ANKRD44: variants seen among roughly 807,000 people sequenced by gnomAD.
ANKRD44 encodes ankyrin repeat domain 44.
ANKRD44 carries 35 observed loss-of-function variants against 116.0 expected under a neutral mutation model. The observed-to-expected ratio is 0.30, with a 90% CI of 0.23 to 0.40. The LOEUF (loss-of-function observed/expected upper bound fraction) is 0.40. Ranked by LOEUF, ANKRD44 falls within the 10% of genes least tolerant of loss-of-function variation. The pLI is 1.00. For missense variants in ANKRD44, 1,014 were observed against 1,242.6 expected, an observed-to-expected ratio of 0.82 and a Z score of 2.77; for synonymous variants, 435 against 461.8, an observed-to-expected ratio of 0.94 and a Z score of 0.74.
intron 4 of ANKRD44, among the ~76,000 whole-genome samples, chr2:197,126,977 G>T (rs2078991239): frequency 6.6e-6 from 1 of 151,402 alleles, no homozygotes; most frequent in African/African-American, 2.4e-5. Flanking sequence ...AACAGAGCAA[G>T]ACCCTGTCTC....
Position 196,988,415 on chromosome 2 carries a change from A to G in ANKRD44, c.*1176T>C. On this transcript the variant is annotated 3_prime_UTR_variant, in exon 28 of 28. Transcript: ENST00000282272. Reference sequence around the variant, plus strand: ...ACGAAAAGGACAGAAGGTGGGAAGCACAACACCAAGAATTCAAAAAAACAA... The same window carrying G: ...ACGAAAAGGACAGAAGGTGGGAAGCGCAACACCAAGAATTCAAAAAAACAA... 1.0e-6 allele frequency: 1 copy of G among 985,452 alleles called. No homozygotes were observed. Among genetic ancestry groups the G allele is most frequent in the Non-Finnish European group, 1.2e-6 (1 of 829,924 alleles). 61.0% of individuals were successfully genotyped at this position (985,452 alleles called of 1,614,324 possible). A position where few individuals can be genotyped will look rare whatever the true frequency, so the allele number is the denominator to read the frequency against.
intron 2 of ANKRD44, among the ~76,000 whole-genome samples, chr2:197,149,998 A>G (rs2079601839): frequency 6.6e-6 from 1 of 152,228 alleles, no homozygotes; most frequent in Admixed American, 6.5e-5. Context: ...AAGAAGAAAC[A>G]AATCTAGCTG....
chr2:197,191,312 T>C (rs1472572735), intron 1 of ANKRD44, among the ~76,000 whole-genome samples: 4 of 152,116 alleles, frequency 2.6e-5, no homozygotes, highest in African/African-American at 9.7e-5. Context: ...TCCAGGAGTG[T>C]TGACGGCTGC....
chr2:197,192,905 G>A (rs1182037646), intron 1 of ANKRD44, among the ~76,000 whole-genome samples: 1 of 152,150 alleles, frequency 6.6e-6, no homozygotes, highest in East Asian at 1.9e-4. Context: ...TAAAAAATCA[G>A]GGAGTGAGGC....
At chr2:197,000,262 A>C (rs1249023431) in intron 23 of ANKRD44, among the ~76,000 whole-genome samples, 157 bp downstream of exon 23, 5 of 152,226 alleles carry the variant, frequency 3.3e-5, no homozygotes, top group African/African-American at 1.2e-4. Flanking sequence ...CTAGGCTTAG[A>C]GGGAAATTTA....
At chr2:197,205,172 T>G (rs1640769572) in intron 1 of ANKRD44, among the ~76,000 whole-genome samples, 1 of 152,046 alleles carries the variant, frequency 6.6e-6, no homozygotes, top group African/African-American at 2.4e-5. Context: ...GGTCCAGGAG[T>G]GTGTATTTTT....
intron 1 of ANKRD44, among the ~76,000 whole-genome samples, chr2:197,290,966 T>C (rs536203101): frequency 9.2e-5 from 14 of 152,208 alleles, no homozygotes; most frequent in Admixed American, 1.3e-4. Flanking sequence ...CCCAACACTT[T>C]GGGAGGCCAA....
intron 1 of ANKRD44, among the ~76,000 whole-genome samples, chr2:197,286,467 T>G (rs753137092): frequency 1.5e-4 from 23 of 151,618 alleles, no homozygotes; most frequent in Non-Finnish European, 2.9e-4. Flanking sequence ...CTCAATCTCC[T>G]GGGCCCAATT....
At chr2:197,091,460 C>A (rs1157210660) in intron 10 of ANKRD44, among the ~76,000 whole-genome samples, 2 of 152,186 alleles carry the variant, frequency 1.3e-5, no homozygotes, top group Admixed American at 6.5e-5. Flanking sequence ...CTCAGGTGAT[C>A]CTCCCACTTC....
At chr2:197,080,465 C>T (rs1018272031) in intron 15 of ANKRD44, among the ~76,000 whole-genome samples, 19 of 152,152 alleles carry the variant, frequency 1.2e-4, no homozygotes, top group Non-Finnish European at 2.5e-4. Context: ...GTTCCCCCTG[C>T]CCCCCTACCT....
rs1445188960 is a variant in ANKRD44 at position 197,023,268 on chromosome 2, A to G, written c.1722+1928T>C. Among the ~76,000 whole-genome samples, 2 of 152,210 alleles carry G rather than the reference A, an allele frequency of 1.3e-5. 1 individual carries two copies. Among genetic ancestry groups the G allele is most frequent in the Admixed American group, 1.3e-4 (2 of 15,284 alleles). On this transcript the variant is annotated intron_variant, in intron 17 of 27. Transcript: ENST00000282272. ...TAGGGACACTGAGACATAAGAGGTG[A>G]GGTATTTGGGTTAATATCACACAAT...
At chr2:197,073,997 C>T (rs141514948) in intron 16 of ANKRD44, among the ~76,000 whole-genome samples, 3 of 149,630 alleles carry the variant, frequency 2.0e-5, no homozygotes, top group Non-Finnish European at 4.5e-5. Context: ...AAAAATGGAA[C>T]ATCTTATCAT....
intron 2 of ANKRD44, among the ~76,000 whole-genome samples, chr2:197,177,544 T>C (rs1263605906): frequency 6.6e-6 from 1 of 152,200 alleles, no homozygotes; most frequent in Non-Finnish European, 1.5e-5. Flanking sequence ...ATCTTTATAG[T>C]AAAGCAATTT....
At chr2:197,087,932 C>T (rs2077963313) in intron 12 of ANKRD44, among the ~76,000 whole-genome samples, 1 of 151,944 alleles carries the variant, frequency 6.6e-6, no homozygotes, top group South Asian at 2.1e-4. Flanking sequence ...AATAAGGAGC[C>T]CTAAAGTGTC....
intron 16 of ANKRD44, among the ~76,000 whole-genome samples, chr2:197,066,258 C>G (rs144110579): frequency 0.062 from 9,470 of 152,182 alleles, 376 homozygotes; most frequent in Non-Finnish European, 0.087. Flanking sequence ...GCTAAAAACT[C>G]TCAATAAATT....
At position 197,091,543 on chromosome 2, in the gene ANKRD44, G is replaced by A. The variant is rs539291477; in HGVS notation, c.1101-1511C>T. Among the ~76,000 whole-genome samples, 3 of 152,276 alleles carry A rather than the reference G, an allele frequency of 2.0e-5. No homozygotes were observed. The South Asian group carries it at 6.2e-4, about 32-fold the overall frequency. Reference sequence around the variant, plus strand: ...AGCTAATTTTTTGGTGTATTTTGTAGAGACAGGGTTTTGCCATGTTGTCCA... The same window carrying A: ...AGCTAATTTTTTGGTGTATTTTGTAAAGACAGGGTTTTGCCATGTTGTCCA... On this transcript the variant is annotated intron_variant, in intron 10 of 27. Transcript: ENST00000282272.
At chr2:197,101,133 T>C (rs189865375) in intron 9 of ANKRD44, among the ~76,000 whole-genome samples, 14 of 152,298 alleles carry the variant, frequency 9.2e-5, no homozygotes, top group Admixed American at 8.5e-4. Context: ...TTTATAATAG[T>C]TATCTTGTTG....
At chr2:197,057,766 G>A (rs1306132451) in intron 16 of ANKRD44, among the ~76,000 whole-genome samples, 1 of 152,218 alleles carries the variant, frequency 6.6e-6, no homozygotes, top group African/African-American at 2.4e-5. Context: ...GCTGAGGTGG[G>A]AGGATCGCTT....
intron 17 of ANKRD44, among the ~76,000 whole-genome samples, chr2:197,022,709 A>G (rs1480634532): frequency 1.3e-5 from 2 of 152,226 alleles, no homozygotes; most frequent in Non-Finnish European, 2.9e-5. Context: ...TACGTAAAAT[A>G]GCACCCTGGC....
Sources: gnomAD v4.1 joint callset for allele counts (sites outside exome capture counted in the v4.1 genomes callset) on GRCh38, gnomAD v4.1.1 for gene constraint, MANE v1.5 for transcripts, NCBI Gene and HGNC (gene_info 2026-07-23, HGNC 2026-07-21) for gene names.